Variants in ARX observed in about 807,000 individuals in gnomAD.
ARX encodes aristaless related homeobox.
In ARX, 1 loss-of-function variant was observed where a neutral mutation model predicts 23.1. The ratio of observed to expected loss-of-function variants is 0.04; its 90% CI spans 0.02 to 0.21. The LOEUF (loss-of-function observed/expected upper bound fraction) is 0.21, where lower values mean the gene tolerates loss of function less well. ARX is among the 10% of genes least tolerant of loss of function. The pLI, the probability that ARX is intolerant of heterozygous loss-of-function variation, is 1.00. For synonymous variants in ARX, 301 were observed against 270.1 expected, an observed-to-expected ratio of 1.11 and a Z score of -1.12; for missense variants, 380 against 527.5, an observed-to-expected ratio of 0.72 and a Z score of 2.74.
rs1436403865 is a variant in ARX, at chrX:25,013,646, C to G, written c.349G>C (p.Ala117Pro). 1.3e-6 allele frequency: 1 copy of G among 762,000 alleles called. No homozygotes were observed. The highest frequency in any genetic ancestry group is 1.5e-6 in the Non-Finnish European group (1 of 647,615). The allele number at this position is 762,000 out of a possible 1,213,427, so 62.8% of individuals were successfully genotyped here. A position where few individuals can be genotyped will look rare whatever the true frequency, so the allele number is the denominator to read the frequency against. ...AAAAAAAAAT[A>P]TAGPRGEAPP... Reference sequence around the variant, plus strand: ...GCCTCCCCGCGTGGACCCGCCGTGGCCGTGGCGGCCGCTGCCGCCGCCGCC... The same window carrying G: ...GCCTCCCCGCGTGGACCCGCCGTGGGCGTGGCGGCCGCTGCCGCCGCCGCC... Residue 117 changes from alanine to proline, a missense_variant, in exon 2 of 5, where the codon GCC becomes CCC. Ala to Pro is a conservative substitution (Grantham distance 27, BLOSUM62 -1). Transcript: ENST00000379044.
At chrX:25,011,690 G>C (rs1237146651) in intron 2 of ARX, among the ~76,000 whole-genome samples, 3 of 113,228 alleles carry the variant, frequency 2.6e-5, no homozygotes, top group Non-Finnish European at 5.6e-5. Context: ...GCTCTTTTCT[G>C]TTTCTGGTTG....
rs777162737 is a variant in ARX at position 25,013,385 on chromosome X, G to T, written c.610C>A (p.Arg204Ser). 6 of 1,118,294 alleles carry T rather than the reference G, an allele frequency of 5.4e-6. No individual in the cohort carries two copies. Among genetic ancestry groups the T allele is most frequent in the South Asian group, 2.1e-5 (1 of 47,050 alleles). 92.2% of individuals were successfully genotyped at this position (1,118,294 alleles called of 1,213,427 possible). ...CCCGGGCCGCCGGCCACGCCGAGGC[G>T]CTCCTCCGGGTGCGTGACGCCCCCC... ...GPGGVTHPEE[R>S]LGVAGGPGSA... Residue 204 changes from arginine (R) to serine (S), a missense_variant, in exon 2 of 5, where the codon CGC becomes AGC. Physicochemically the swap from Arg to Ser is moderately radical, Grantham distance 110 (BLOSUM62 -1). Around this residue, in one of 3 missense-constraint regions of ARX, gnomAD observed 235 missense variants for 270.2 expected, o/e 0.87. Transcript: ENST00000379044.
Position 25,004,505 on chromosome X carries a change from C to G in ARX, c.*165G>C, listed in dbSNP as rs2048667843. The G allele has an allele frequency of 1.1e-6, 1 of 922,390 alleles. No homozygotes were observed. Among genetic ancestry groups the G allele is most frequent in the South Asian group, 2.4e-5 (1 of 41,261 alleles). The allele number at this position is 922,390 out of a possible 1,213,427, so 76.0% of individuals were successfully genotyped here. A position where few individuals can be genotyped will look rare whatever the true frequency, so the allele number is the denominator to read the frequency against. Reference sequence around the variant, plus strand: ...GCCGAGGAGGTGCCACGTCCCGGAGCGCCGAGGGCTGCCATGCCCGCATCC... The same window carrying G: ...GCCGAGGAGGTGCCACGTCCCGGAGGGCCGAGGGCTGCCATGCCCGCATCC... On this transcript the variant is annotated 3_prime_UTR_variant, in exon 5 of 5. Coordinates refer to ENST00000379044, the MANE Select transcript of ARX (RefSeq NM_139058.3).
At chrX:25,007,748 G>C (rs916443419) in intron 3 of ARX, among the ~76,000 whole-genome samples, 21 of 112,229 alleles carry the variant, frequency 1.9e-4, no homozygotes, top group African/African-American at 6.8e-4. Context: ...GGAAACCAAA[G>C]TTTAAACGTC....
rs769996976 is a variant in ARX at position 25,015,551 on chromosome X, C to T, written c.187G>A (p.Ala63Thr). ...ACGGGAGCATCCTTACCTTGCACGG[C>T]CTTTTCCGGGTCGGCGCGGCTGGTC... ...PLTSRADPEK[A>T]VQGSPKSSSA... Residue 63 changes from alanine to threonine, a missense_variant, in exon 1 of 5, where the codon GCC becomes ACC. Ala to Thr is a moderately conservative substitution (Grantham distance 58, BLOSUM62 0). Transcript: ENST00000379044. 4 of 1,209,363 alleles carry T rather than the reference C, an allele frequency of 3.3e-6. No individual in the cohort carries two copies. In the Admixed American group the frequency reaches 6.5e-5, roughly 20 times the overall value.
chrX:25,004,644 C>A lies in ARX; in HGVS notation c.*26G>T, dbSNP rs1456143212. 8.6e-7 allele frequency: 1 copy of A among 1,164,048 alleles called. No homozygotes were observed. The highest frequency in any genetic ancestry group is 1.9e-5 in the South Asian group (1 of 52,605). ...GTGAGGTGACCTTTCGGGGCGCGCG[C>A]GGGGCGCGGGTGTGGAGGGCAGCCT... On this transcript the variant is annotated 3_prime_UTR_variant, in exon 5 of 5. Coordinates refer to ENST00000379044, the MANE Select transcript of ARX (RefSeq NM_139058.3).
At chrX:25,005,797 T>G (rs891033369) in intron 4 of ARX, among the ~76,000 whole-genome samples, 2 of 112,469 alleles carry the variant, frequency 1.8e-5, no homozygotes, top group African/African-American at 3.2e-5. Context: ...TTCCACCCCA[T>G]GCACACAGCA....
chrX:25,007,470 C>T, intron 3 of ARX, 31 bp from the exon 4 acceptor site: 3 of 1,140,964 alleles, frequency 2.6e-6, no homozygotes, highest in Non-Finnish European at 3.5e-6. Context: ...AGGGTCGGCG[C>T]GGCTCGGCCC....
Position 25,015,600 on chromosome X carries a change from G to C in ARX, c.138C>G (p.Ala46=). The change falls in exon 1 of 5, where the codon GCC becomes GCG. Residue 46 remains alanine (A), a synonymous_variant. Coordinates refer to ENST00000379044, the MANE Select transcript of ARX (RefSeq NM_139058.3). ...RSPCKMRLLG[A]AQSLPAPLTS... ...TCAGCGGAGCAGGCAAGCTCTGCGC[G>C]GCTCCCAGCAACCGCATTTTGCACG... 2 of 1,210,472 alleles carry C rather than the reference G, an allele frequency of 1.7e-6. No individual in the cohort carries two copies. The highest frequency in any genetic ancestry group is 2.2e-6 in the Non-Finnish European group (2 of 894,870).
At chrX:25,005,598 G>C (rs1372672791) in intron 4 of ARX, among the ~76,000 whole-genome samples, 1 of 112,514 alleles carries the variant, frequency 8.9e-6, no homozygotes, top group Non-Finnish European at 1.9e-5. Flanking sequence ...CCACGGGCGG[G>C]TGTCACCTGC....
Position 25,004,531 on chromosome X carries a change from A to G in ARX, c.*139T>C. On this transcript the variant is annotated 3_prime_UTR_variant, in exon 5 of 5. Coordinates refer to ENST00000379044, the MANE Select transcript of ARX (RefSeq NM_139058.3). ...GCCGAGGGCTGCCATGCCCGCATCC[A>G]GACTGCTGTGAAGGCGGCTGCGCTC... 9.4e-7 allele frequency: 1 copy of G among 1,064,395 alleles called. No homozygotes were observed. The highest frequency in any genetic ancestry group is 1.3e-6 in the Non-Finnish European group (1 of 796,602). 87.7% of individuals were successfully genotyped at this position (1,064,395 alleles called of 1,213,427 possible).
Position 25,013,035 on chromosome X carries a change from C to A in ARX, c.960G>T (p.Glu320Asp), listed in dbSNP as rs1480734816. ...TCTGTTTGCGTTTCAGCAGCCCCTCCTCCGAGTCGCTGCCCGCAGAGAGGC... is the reference window on the plus strand; with the variant it reads ...TCTGTTTGCGTTTCAGCAGCCCCTCATCCGAGTCGCTGCCCGCAGAGAGGC... ...SVCLSAGSDSEEGLLKRKQRR... is the reference protein window; with the variant it reads ...SVCLSAGSDSDEGLLKRKQRR... The change falls in exon 2 of 5, where the codon GAG (glutamate) becomes GAT (aspartate). Residue 320 changes from glutamate to aspartate, a missense_variant. By Grantham distance (45) the Glu-to-Asp change is conservative. Coordinates refer to ENST00000379044, the MANE Select transcript of ARX (RefSeq NM_139058.3). The A allele has an allele frequency of 1.7e-6, 2 of 1,198,882 alleles. No individual in the cohort carries two copies. The highest frequency in any genetic ancestry group is 1.1e-6 in the Non-Finnish European group (1 of 889,201).
chrX:25,007,519 C>A, intron 3 of ARX, 80 bp from the exon 4 acceptor site: 2 of 1,075,976 alleles, frequency 1.9e-6, no homozygotes, highest in Non-Finnish European at 1.2e-6. Flanking sequence ...CTTCCCTTGG[C>A]GCGCTGCGGG....
Position 25,013,500 on chromosome X carries a change from C to T in ARX, c.495G>A (p.Pro165=). Residue 165 remains proline, a synonymous_variant, in exon 2 of 5, where the codon CCG becomes CCA. Transcript: ENST00000379044. ...ACTTGCTGCGGCTGATGCTCACCTG[C>T]GGCGCCTGGCTGATCTTGAGCGTGT... ...AWDTLKISQA[P]QVSISRSKSY... 1 of 868,944 alleles carries T rather than the reference C, an allele frequency of 1.2e-6. No individual in the cohort carries two copies. 71.6% of individuals were successfully genotyped at this position (868,944 alleles called of 1,213,427 possible). A position where few individuals can be genotyped will look rare whatever the true frequency, so the allele number is the denominator to read the frequency against.
At chrX:25,007,488 G>T in intron 3 of ARX, 49 bp from the exon 4 acceptor site, 1 of 1,131,485 alleles carries the variant, frequency 8.8e-7, no homozygotes, top group South Asian at 2.0e-5. Flanking sequence ...CCCGGCGGGC[G>T]CACCGGGCCC....
In ARX at chrX:25,013,158, G is replaced by A; in HGVS notation, c.837C>T (p.Ala279=). The A allele has an allele frequency of 1.7e-6, 2 of 1,195,467 alleles. No individual in the cohort carries two copies. The highest frequency in any genetic ancestry group is 2.3e-6 in the Non-Finnish European group (2 of 888,552). Residue 279 remains alanine, a synonymous_variant, in exon 2 of 5, where the codon GCC becomes GCT. Transcript: ENST00000379044. ...AATGAVAAAA[A]AAVATEGGEL... ...CCCCGCCCTCTGTGGCCACTGCAGC[G>A]GCAGCTGCTGCGGCCACGGCGCCAG...
chrX:25,012,481 A>T (rs960258498), intron 2 of ARX, among the ~76,000 whole-genome samples: 2 of 112,591 alleles, frequency 1.8e-5, no homozygotes, highest in Non-Finnish European at 3.8e-5. Flanking sequence ...GCGACCAAAA[A>T]TAGCCCCTGC....
chrX:25,010,153 G>A (rs1256460961), intron 3 of ARX, 107 bp downstream of exon 3: 9 of 896,249 alleles, frequency 1.0e-5, no homozygotes, highest in African/African-American at 4.0e-5. Flanking sequence ...TCTTGGTTTT[G>A]TGAAGGGGAT....
Position 25,007,298 on chromosome X carries a change from G to A in ARX, c.1261C>T (p.Pro421Ser). The A allele has an allele frequency of 8.9e-7, 1 of 1,124,761 alleles. No individual in the cohort carries two copies. The highest frequency in any genetic ancestry group is 1.2e-6 in the Non-Finnish European group (1 of 858,926). The allele number at this position is 1,124,761 out of a possible 1,213,427, so 92.7% of individuals were successfully genotyped here. ...GCGGAGTCGAGCGCCGGGTGGTGCG[G>A]AGGGAAGGGGCTGGCGTCCAGGTAG... The part of the protein sequence containing the change: ...SPYLDASPFP[P>S]HHPALDSAWT... The change falls in exon 4 of 5, where the codon CCG becomes TCG. Residue 421 changes from proline to serine, a missense_variant. Physicochemically the swap from Pro to Ser is moderately conservative, Grantham distance 74. Transcript: ENST00000379044.
Sources: gnomAD v4.1 joint callset for allele counts (sites outside exome capture counted in the v4.1 genomes callset) on GRCh38, gnomAD v4.1.1 for gene constraint, gnomAD v4.1.1 regional missense constraint, MANE v1.5 for transcripts, NCBI Gene and HGNC (gene_info 2026-07-23, HGNC 2026-07-21) for gene names.